CACNA1A: variants seen among roughly 807,000 people sequenced by gnomAD.
The protein encoded by CACNA1A is voltage-dependent P/Q-type calcium channel subunit alpha-1A.
A neutral mutation model predicts 262.4 loss-of-function variants in CACNA1A; 57 were observed. That is an observed-to-expected ratio of 0.22 (90% CI 0.18 to 0.27). The LOEUF (loss-of-function observed/expected upper bound fraction) is 0.27, where lower values mean the gene tolerates loss of function less well. CACNA1A is among the 10% of genes least tolerant of loss of function. The pLI is 1.00. For synonymous variants in CACNA1A, 1,431 were observed against 1,419.3 expected (o/e 1.01, Z -0.18); for missense variants, 2,526 against 3,562.8 (o/e 0.71, Z 7.41).
Position 13,207,417 on chromosome 19 carries a change from G to C in CACNA1A, c.7417C>G (p.Pro2473Ala). Reference sequence around the variant, plus strand: ...CCGTGCGCCGGGTAGTAGCCGTTGGGGAGTCGCCGGCCGTGCCGAGAAGGC... The same window carrying C: ...CCGTGCGCCGGGTAGTAGCCGTTGGCGAGTCGCCGGCCGTGCCGAGAAGGC... ...ASPSRHGRRLPNGYYPAHGLA... is the reference protein window; with the variant it reads ...ASPSRHGRRLANGYYPAHGLA... The change falls in exon 47 of 47, where the codon CCC (proline) becomes GCC (alanine). Residue 2473 changes from proline to alanine, a missense_variant. Pro to Ala is a conservative substitution (Grantham distance 27, BLOSUM62 -1). Coordinates refer to ENST00000360228, the MANE Select transcript of CACNA1A (RefSeq NM_001127222.2). This position sits in a 1 kb window ranked among gnomAD's most constrained non-coding sequence, Gnocchi z 5.7. 6.5e-7 allele frequency: 1 copy of C among 1,529,480 alleles called. No homozygotes were observed. Among genetic ancestry groups the C allele is most frequent in the Non-Finnish European group, 8.7e-7 (1 of 1,143,118 alleles). The allele number at this position is 1,529,480 out of a possible 1,614,324, so 94.7% of individuals were successfully genotyped here.
intron 5 of CACNA1A, chr19:13,365,088 C>A (rs2059183561): frequency 5.3e-6 from 2 of 373,952 alleles, no homozygotes; most frequent in African/African-American, 4.1e-5. Flanking sequence ...TTCCTGGGAT[C>A]ATTCCCAAAT....
At chr19:13,309,821 G>T (rs1419693893) in intron 12 of CACNA1A, among the ~76,000 whole-genome samples, 1 of 151,928 alleles carries the variant, frequency 6.6e-6, no homozygotes, top group Non-Finnish European at 1.5e-5. Flanking sequence ...AAAAAACTGA[G>T]GTGAAATTCA....
chr19:13,264,518 A>C (rs1190574081), intron 24 of CACNA1A, among the ~76,000 whole-genome samples: 1 of 152,216 alleles, frequency 6.6e-6, no homozygotes, highest in Non-Finnish European at 1.5e-5. Flanking sequence ...ATGGCATTCA[A>C]TGCTCTTGAA....
chr19:13,398,918 G>C (rs147964023), intron 3 of CACNA1A, among the ~76,000 whole-genome samples: 127 of 152,334 alleles, frequency 8.3e-4, no homozygotes, highest in South Asian at 6.8e-3. Context: ...CAGGCCCCGA[G>C]GGGAGGGAGG....
chr19:13,326,753 C>T (rs1011942498), intron 10 of CACNA1A, among the ~76,000 whole-genome samples: 1 of 147,242 alleles, frequency 6.8e-6, no homozygotes. Context: ...TGCACCACTG[C>T]ACTCCAGCCT....
chr19:13,413,897 A>AGAAAGAG (rs2060169972), intron 3 of CACNA1A, among the ~76,000 whole-genome samples: 1 of 44,516 alleles, frequency 2.2e-5, no homozygotes, highest in African/African-American at 5.7e-5. Flanking sequence ...AAGAAAGAAA[A>AGAAAGAG]AGAAAGAAAG....
chr19:13,446,870 C>T (rs1295908729), intron 3 of CACNA1A, among the ~76,000 whole-genome samples: 3 of 151,908 alleles, frequency 2.0e-5, no homozygotes, highest in African/African-American at 7.3e-5. Context: ...ATTCCAGGTG[C>T]TTGCCCGCTG....
At chr19:13,272,657 A>G (rs1004458670) in intron 24 of CACNA1A, 13 of 152,060 alleles carry the variant, frequency 8.5e-5, no homozygotes. Context: ...GAGGGGGTAA[A>G]AGGAGAAAGA....
intron 3 of CACNA1A, among the ~76,000 whole-genome samples, chr19:13,447,624 C>T (rs537481673): frequency 1.3e-5 from 2 of 152,324 alleles, no homozygotes; most frequent in Admixed American, 1.3e-4. Context: ...GTGGTGGATC[C>T]GTCAGAGTCC....
At chr19:13,413,737 C>T (rs954584245) in intron 3 of CACNA1A, among the ~76,000 whole-genome samples, 4 of 147,440 alleles carry the variant, frequency 2.7e-5, no homozygotes, top group South Asian at 2.2e-4. Context: ...AAAAAATTGC[C>T]GGGTGTGGTG....
Position 13,455,077 on chromosome 19 carries a change from G to A in CACNA1A, c.399+30C>T, listed in dbSNP as rs1039184549. 2.9e-6 allele frequency: 4 copies of A among 1,379,678 alleles called. No homozygotes were observed. The Admixed American group carries it at 5.1e-5, about 17-fold the overall frequency. 85.5% of individuals were successfully genotyped at this position (1,379,678 alleles called of 1,614,324 possible). On this transcript the variant is annotated intron_variant, in intron 2 of 46. Transcript: ENST00000360228. ...AAATTAATGTCCTGCTAAAGCCAAG[G>A]AGAAGACCCTGAGAAAAGACATCAC...
chr19:13,290,093 T>C (rs2144906124), intron 19 of CACNA1A, among the ~76,000 whole-genome samples: 1 of 148,822 alleles, frequency 6.7e-6, no homozygotes, highest in Middle Eastern at 3.5e-3. Flanking sequence ...CACACCCGGC[T>C]AATTTTTTTT....
intron 1 of CACNA1A, among the ~76,000 whole-genome samples, chr19:13,482,811 CCT>C (rs765164365): frequency 1.3e-5 from 2 of 148,924 alleles, no homozygotes; most frequent in Middle Eastern, 3.5e-3. Context: ...GGAAATGCTC[CCT>C]CTCTCTCTTT....
chr19:13,351,987 T>C (rs1161778641), intron 6 of CACNA1A, among the ~76,000 whole-genome samples: 1 of 152,134 alleles, frequency 6.6e-6, no homozygotes, highest in Non-Finnish European at 1.5e-5. Context: ...TGATTTATTT[T>C]AGTGTGACTC....
At chr19:13,216,390 T>A (rs898667317) in intron 38 of CACNA1A, among the ~76,000 whole-genome samples, 3 of 152,028 alleles carry the variant, frequency 2.0e-5, no homozygotes, top group African/African-American at 7.2e-5. Context: ...CAGGCTGGAG[T>A]GCAATGGCAT....
chr19:13,423,943 T>A (rs2060357729), intron 3 of CACNA1A, among the ~76,000 whole-genome samples: 1 of 152,170 alleles, frequency 6.6e-6, no homozygotes, highest in African/African-American at 2.4e-5. Flanking sequence ...AGGCAACCTG[T>A]ATCATACTCT....
chr19:13,393,921 T>C (rs28516442), intron 3 of CACNA1A, among the ~76,000 whole-genome samples: 20,133 of 151,518 alleles, frequency 0.13, 2,362 homozygotes, highest in East Asian at 0.35. Context: ...ATTCAAGTGA[T>C]TCTCCTGCCT....
At chr19:13,291,037 G>A (rs148617358) in intron 19 of CACNA1A, among the ~76,000 whole-genome samples, 1 of 152,196 alleles carries the variant, frequency 6.6e-6, no homozygotes, top group East Asian at 1.9e-4. Context: ...ATCAATTTCC[G>A]GGAGGTTTCA....
chr19:13,463,631 C>T (rs2061166803), intron 1 of CACNA1A, among the ~76,000 whole-genome samples: 1 of 152,230 alleles, frequency 6.6e-6, no homozygotes, highest in African/African-American at 2.4e-5. Flanking sequence ...CAAAGACCTA[C>T]ATTTCACATA....
Sources: allele counts gnomAD v4.1 joint callset (sites outside exome capture counted in the v4.1 genomes callset), GRCh38; gene constraint gnomAD v4.1.1; non-coding constraint Gnocchi (gnomAD v3.1); transcripts MANE v1.5; gene names NCBI Gene and HGNC (gene_info 2026-07-23, HGNC 2026-07-21).